The following PLSCR3 variants were observed in gnomAD, a reference collection of about 807,000 sequenced individuals.
PLSCR3 encodes PL scramblase 3.
In PLSCR3, 17 loss-of-function variants were observed where a neutral mutation model predicts 33.7. That is an observed-to-expected ratio of 0.50 (90% confidence interval 0.35 to 0.76). PLSCR3 has a LOEUF of 0.76. Among genes scored for constraint, PLSCR3 ranks in the 30% least tolerant of loss-of-function variants. The probability of loss-of-function intolerance (pLI) is 0.01; values close to 1 mark genes in which losing one functional copy is unlikely to be tolerated. For synonymous variants in PLSCR3, 166 were observed against 166.0 expected, an observed-to-expected ratio of 1.00 and a Z score of 0.00; for missense variants, 360 against 394.1, an observed-to-expected ratio of 0.91 and a Z score of 0.73.
At position 7,390,319 on chromosome 17, in the gene PLSCR3, G is replaced by A. The variant is rs1905555483; in HGVS notation, c.*66C>T. Reference sequence around the variant, plus strand: ...GGAGGAAAGGGGCTGCCCAGAGGAGGGGCCAGGGCAGGTGACCATCTGGAG... The same window carrying A: ...GGAGGAAAGGGGCTGCCCAGAGGAGAGGCCAGGGCAGGTGACCATCTGGAG... On this transcript the variant is annotated 3_prime_UTR_variant, in exon 8 of 8. Coordinates refer to ENST00000619711, the MANE Select transcript of PLSCR3 (RefSeq NM_020360.4). The A allele has an allele frequency of 2.6e-5, 33 of 1,254,798 alleles. No individual in the cohort carries two copies. The highest frequency in any genetic ancestry group is 3.6e-5 in the Non-Finnish European group (32 of 899,326). The allele number at this position is 1,254,798 out of a possible 1,614,324, so 77.7% of individuals were successfully genotyped here.
At position 7,390,446 on chromosome 17, in the gene PLSCR3, G is replaced by C. The variant is rs1406981181; in HGVS notation, c.832-5C>G. On this transcript the variant is annotated splice_region_variant and splice_polypyrimidine_tract_variant and intron_variant, in intron 7 of 7. Transcript: ENST00000619711. ...CTTCTCAAAGAACATGTAGTCCTAAGAGGAGGCCACTGTCAATGGGAGATC... is the reference window on the plus strand; with the variant it reads ...CTTCTCAAAGAACATGTAGTCCTAACAGGAGGCCACTGTCAATGGGAGATC... 2 of 1,587,990 alleles carry C rather than the reference G, an allele frequency of 1.3e-6. No individual in the cohort carries two copies. The highest frequency in any genetic ancestry group is 3.6e-5 in the Admixed American group (2 of 55,302).
At position 7,394,421 on chromosome 17, in the gene PLSCR3, G is replaced by A. The variant is rs1396339900; in HGVS notation, c.-158+56C>T. ...GGCAGGACAGATGGACCCGCGGTCA[G>A]ACCGACAGCCCCACCCCAAGGGCGG... On this transcript the variant is annotated intron_variant, in intron 1 of 7. Coordinates refer to ENST00000619711, the MANE Select transcript of PLSCR3 (RefSeq NM_020360.4). This position sits in a 1 kb window ranked among gnomAD's most constrained non-coding sequence, Gnocchi z 5.3. The A allele has an allele frequency of 3.0e-6, 1 of 331,862 alleles. No homozygotes were observed. The highest frequency in any genetic ancestry group is 5.6e-6 in the Non-Finnish European group (1 of 178,710). The allele number at this position is 331,862 out of a possible 1,614,324, so 20.6% of individuals were successfully genotyped here.
intron 6 of PLSCR3, among the ~76,000 whole-genome samples, chr17:7,392,578 A>G (rs1905797085): frequency 6.6e-6 from 1 of 152,108 alleles, no homozygotes; most frequent in African/African-American, 2.4e-5. Flanking sequence ...AATAATCAGC[A>G]TTGCTCCTTA....
chr17:7,393,074 A>G, intron 5 of PLSCR3, 70 bp downstream of exon 5: 1 of 1,480,618 alleles, frequency 6.8e-7, no homozygotes, highest in Non-Finnish European at 9.0e-7. Context: ...TCCAGGCCTC[A>G]TCTCAGGTGG....
In PLSCR3 at chr17:7,393,312, C is replaced by T; in HGVS notation, c.339G>A (p.Gly113=). ...CNRYELRSGA[G]QPLGQAAEES... ...CCTCGGCCGCCTGACCCAGGGGCTG[C>T]CCGGCCCCAGAGCGCAGTTCATACC... The change falls in exon 5 of 8, where the codon GGG becomes GGA. Residue 113 remains glycine (G), a synonymous_variant. Transcript: ENST00000619711. 6.2e-7 allele frequency: 1 copy of T among 1,611,362 alleles called. No homozygotes were observed. The highest frequency in any genetic ancestry group is 8.5e-7 in the Non-Finnish European group (1 of 1,179,868).
chr17:7,394,392 C>G lies in PLSCR3; in HGVS notation c.-158+85G>C. 1 of 428,742 alleles carries G rather than the reference C, an allele frequency of 2.3e-6. No individual in the cohort carries two copies. Among genetic ancestry groups the G allele is most frequent in the South Asian group, 3.8e-5 (1 of 26,374 alleles). The allele number at this position is 428,742 out of a possible 1,614,324, so 26.6% of individuals were successfully genotyped here. On this transcript the variant is annotated intron_variant, in intron 1 of 7. Coordinates refer to ENST00000619711, the MANE Select transcript of PLSCR3 (RefSeq NM_020360.4). This position sits in a 1 kb window ranked among gnomAD's most constrained non-coding sequence, Gnocchi z 5.3. ...CCATCCTGCGGAGGAGGCTGTGGGC[C>G]GACGGCAGGACAGATGGACCCGCGG...
chr17:7,393,931 G>A, intron 2 of PLSCR3, 95 bp from the exon 3 acceptor site: 2 of 1,102,430 alleles, frequency 1.8e-6, no homozygotes, highest in Non-Finnish European at 1.3e-6. Flanking sequence ...CGGGGGAAAC[G>A]TGGTGGCAAG....
At chr17:7,392,388 T>C (rs527315816) in intron 6 of PLSCR3, among the ~76,000 whole-genome samples, 2 of 152,192 alleles carry the variant, frequency 1.3e-5, no homozygotes, top group Non-Finnish European at 2.9e-5. Context: ...ATTTGGATTC[T>C]ATTTTAGCAG....
At chr17:7,393,904 C>G (rs1435891405) in intron 2 of PLSCR3, 68 bp from the exon 3 acceptor site, 2 of 1,170,276 alleles carry the variant, frequency 1.7e-6, no homozygotes, top group Non-Finnish European at 2.4e-6. Flanking sequence ...TTCCTCAGCC[C>G]ATGGGCCGCG....
In PLSCR3 at chr17:7,393,297, C is replaced by T; in HGVS notation, c.354G>A (p.Gln118=). 6.2e-7 allele frequency: 1 copy of T among 1,610,430 alleles called. No homozygotes were observed. Among genetic ancestry groups the T allele is most frequent in the Non-Finnish European group, 8.5e-7 (1 of 1,179,808 alleles). Residue 118 remains glutamine, a synonymous_variant, in exon 5 of 8, where the codon CAG becomes CAA. Transcript: ENST00000619711. ...LRSGAGQPLG[Q]AAEESNCCAR... ...CGCAGCAGTTGCTCTCCTCGGCCGC[C>T]TGACCCAGGGGCTGCCCGGCCCCAG...
chr17:7,390,543 A>T, intron 7 of PLSCR3, 91 bp downstream of exon 7: 1 of 1,575,228 alleles, frequency 6.3e-7, no homozygotes, highest in Non-Finnish European at 8.7e-7. Context: ...CCTATTCCTG[A>T]CTTTCCCCTA....
intron 5 of PLSCR3, 33 bp downstream of exon 5, chr17:7,393,111 G>GGC: frequency 7.6e-7 from 1 of 1,324,306 alleles, no homozygotes; most frequent in Non-Finnish European, 1.0e-6. Context: ...GCCCCACCAA[G>GGC]GCCCGCCCTC....
chr17:7,392,201 AAAAC>A (rs1437554984), intron 6 of PLSCR3, among the ~76,000 whole-genome samples: 7 of 151,960 alleles, frequency 4.6e-5, no homozygotes, highest in East Asian at 3.9e-4. Context: ...AAACAAACAA[AAAAC>A]AAACAAAAAA....
Position 7,392,705 on chromosome 17 carries a change from TCTTG to T in PLSCR3, c.669+82_669+85del. ...TGGATTTGGATTGATGAGCTCAGGG[TCTTG>T]ACCTTAATGTTAACTATCCTGCCTC... is the stretch of plus-strand genomic sequence containing the variant. On this transcript the variant is annotated intron_variant, in intron 6 of 7. Coordinates refer to ENST00000619711, the MANE Select transcript of PLSCR3 (RefSeq NM_020360.4). 2.3e-6 allele frequency: 3 copies of T among 1,290,502 alleles called. No individual in the cohort carries two copies. The South Asian group carries it at 3.6e-5, about 15-fold the overall frequency. 79.9% of individuals were successfully genotyped at this position (1,290,502 alleles called of 1,614,324 possible). A position where few individuals can be genotyped will look rare whatever the true frequency, so the allele number is the denominator to read the frequency against.
In PLSCR3 at chr17:7,390,056, CCA is replaced by C. The variant is rs1334336944; in HGVS notation, c.*327_*328del. Reference sequence around the variant, plus strand: ...CACACCCCAGCCCTCTTGTAAAACCCCAGAGTCCTGGGTTCCAGAGGCCTCCT... The same window carrying C: ...CACACCCCAGCCCTCTTGTAAAACCCGAGTCCTGGGTTCCAGAGGCCTCCT... On this transcript the variant is annotated 3_prime_UTR_variant, in exon 8 of 8. Transcript: ENST00000619711. 4.0e-6 allele frequency: 1 copy of C among 249,078 alleles called. No individual in the cohort carries two copies. The highest frequency in any genetic ancestry group is 7.9e-6 in the Non-Finnish European group (1 of 127,276). 15.4% of individuals were successfully genotyped at this position (249,078 alleles called of 1,614,324 possible). A position where few individuals can be genotyped will look rare whatever the true frequency, so the allele number is the denominator to read the frequency against.
Position 7,394,505 on chromosome 17 carries a change from T to G in PLSCR3, c.-186A>C. Reference sequence around the variant, plus strand: ...GAGCCCCCAGAAGAGCCCGGGTGCCTAGCACTCGGCAGCTCACAGGAGCTG... The same window carrying G: ...GAGCCCCCAGAAGAGCCCGGGTGCCGAGCACTCGGCAGCTCACAGGAGCTG... On this transcript the variant is annotated 5_prime_UTR_variant, in exon 1 of 8. Coordinates refer to ENST00000619711, the MANE Select transcript of PLSCR3 (RefSeq NM_020360.4). This position sits in a 1 kb window ranked among gnomAD's most constrained non-coding sequence, Gnocchi z 5.3. The G allele has an allele frequency of 5.8e-6, 1 of 172,388 alleles. No homozygotes were observed. The highest frequency in any genetic ancestry group is 1.2e-5 in the Non-Finnish European group (1 of 81,360). The allele number at this position is 172,388 out of a possible 1,614,324, so 10.7% of individuals were successfully genotyped here.
Position 7,390,809 on chromosome 17 carries a change from G to A in PLSCR3, c.670-14C>T. ...CCGAGTCTTCACCTGTCATCAGGGAGGGAGAAAGGACCCAGCTGAGGAGGA... is the reference window on the plus strand; with the variant it reads ...CCGAGTCTTCACCTGTCATCAGGGAAGGAGAAAGGACCCAGCTGAGGAGGA... On this transcript the variant is annotated splice_polypyrimidine_tract_variant and intron_variant, in intron 6 of 7. Coordinates refer to ENST00000619711, the MANE Select transcript of PLSCR3 (RefSeq NM_020360.4). The A allele has an allele frequency of 6.2e-7, 1 of 1,613,646 alleles. No homozygotes were observed. The highest frequency in any genetic ancestry group is 8.5e-7 in the Non-Finnish European group (1 of 1,179,872).
In PLSCR3 at chr17:7,390,521, AC is replaced by A. The variant is rs1451945407; in HGVS notation, c.832-81del. ...GTCACAGGCCAGCTCTAGAACCTCA[AC>A]CCCCACAACACCTATTCCTGACTTT... On this transcript the variant is annotated intron_variant, in intron 7 of 7. Coordinates refer to ENST00000619711, the MANE Select transcript of PLSCR3 (RefSeq NM_020360.4). The A allele has an allele frequency of 5.1e-6, 8 of 1,559,436 alleles. No individual in the cohort carries two copies. In the African/African-American group the frequency reaches 6.8e-5, roughly 13 times the overall value.
intron 4 of PLSCR3, 38 bp from the exon 5 acceptor site, chr17:7,393,402 C>A: frequency 6.2e-7 from 1 of 1,613,134 alleles, no homozygotes; most frequent in African/African-American, 1.3e-5. Flanking sequence ...TAGAGCCTCG[C>A]GCGCCCAGGA....
Sources: allele counts gnomAD v4.1 joint callset (sites outside exome capture counted in the v4.1 genomes callset), GRCh38; gene constraint gnomAD v4.1.1; non-coding constraint Gnocchi (gnomAD v3.1); transcripts MANE v1.5; gene names NCBI Gene and HGNC (gene_info 2026-07-23, HGNC 2026-07-21).